Variants in CDK14 observed in about 807,000 individuals in gnomAD.
CDK14 encodes cyclin dependent kinase 14.
Under a neutral mutation model 60.7 loss-of-function variants are expected in CDK14, and 34 were observed. The observed-to-expected ratio is 0.56, with a 90% CI of 0.43 to 0.75. The LOEUF is 0.75. Among genes scored for constraint, CDK14 ranks in the 30% least tolerant of loss-of-function variants. The probability of loss-of-function intolerance (pLI) is 0.00; values close to 1 mark genes in which losing one functional copy is unlikely to be tolerated. For missense variants in CDK14, 482 were observed against 564.1 expected (o/e 0.85, Z 1.47); for synonymous variants, 197 against 203.7 (o/e 0.97, Z 0.28).
At chr7:90,838,048 C>T (rs10155821) in intron 5 of CDK14, among the ~76,000 whole-genome samples, 64,041 of 151,810 alleles carry the variant, frequency 0.42, 14,373 homozygotes, top group East Asian at 0.85. Flanking sequence ...ACGGGTATGA[C>T]GGTGGTCGAG....
chr7:90,617,312 C>T (rs1799674517), intron 2 of CDK14, among the ~76,000 whole-genome samples: 1 of 151,998 alleles, frequency 6.6e-6, no homozygotes, highest in Non-Finnish European at 1.5e-5. Context: ...AGTCTCTCTG[C>T]ATCCAAACTA....
chr7:90,675,018 T>C (rs1436350628), intron 2 of CDK14, among the ~76,000 whole-genome samples: 2 of 152,170 alleles, frequency 1.3e-5, no homozygotes, highest in African/African-American at 4.8e-5. Context: ...GAATAGTTTT[T>C]TTCTTATTAT....
At chr7:90,733,702 C>T (rs894324225) in intron 3 of CDK14, among the ~76,000 whole-genome samples, 1 of 152,156 alleles carries the variant, frequency 6.6e-6, no homozygotes, top group African/African-American at 2.4e-5. Flanking sequence ...GTATGTGTGT[C>T]TTTGCACATG....
In CDK14 at chr7:90,743,647, A is replaced by C. The variant is rs930280538; in HGVS notation, c.370-4034A>C. On this transcript the variant is annotated intron_variant, in intron 3 of 14. Transcript: ENST00000380050. Reference sequence around the variant, plus strand: ...CTTTATTGCTACCAACAATTGTTTGATACATTTCAAAACTATGTTATTTGG... The same window carrying C: ...CTTTATTGCTACCAACAATTGTTTGCTACATTTCAAAACTATGTTATTTGG... 5.1e-4 allele frequency among the ~76,000 whole-genome samples: 77 copies of C among 151,940 alleles called. 2 individuals carry two copies. Among genetic ancestry groups the C allele is most frequent in the Admixed American group, 9.8e-4 (15 of 15,262 alleles).
intron 4 of CDK14, among the ~76,000 whole-genome samples, chr7:90,757,613 T>G (rs1211484207): frequency 6.6e-6 from 1 of 152,024 alleles, no homozygotes; most frequent in East Asian, 1.9e-4. Context: ...TTTTTTTTGT[T>G]TGAGACAGGG....
chr7:90,635,915 T>C (rs983458511), intron 2 of CDK14, among the ~76,000 whole-genome samples: 8 of 152,178 alleles, frequency 5.3e-5, no homozygotes, highest in Admixed American at 4.6e-4. Context: ...GGGAGTTCAC[T>C]CATGATTTGG....
intron 8 of CDK14, among the ~76,000 whole-genome samples, chr7:90,926,355 C>T (rs1393175950): frequency 6.6e-6 from 1 of 152,138 alleles, no homozygotes; most frequent in Non-Finnish European, 1.5e-5. Flanking sequence ...ATGCTTCTCA[C>T]AGTAGACTAG....
chr7:91,003,915 G>T (rs746149780), intron 10 of CDK14, among the ~76,000 whole-genome samples: 3 of 152,122 alleles, frequency 2.0e-5, no homozygotes, highest in Non-Finnish European at 4.4e-5. Flanking sequence ...GCTGGTCCCC[G>T]TGTATCACCC....
At chr7:90,645,925 T>TCTGGGAAGTGCTCA (rs1389741685) in intron 2 of CDK14, among the ~76,000 whole-genome samples, 40 of 152,326 alleles carry the variant, frequency 2.6e-4, no homozygotes, top group African/African-American at 8.7e-4. Context: ...AGATCACTGA[T>TCTGGGAAGTGCTCA]CTGGGAAGTG....
intron 8 of CDK14, among the ~76,000 whole-genome samples, chr7:90,947,559 A>G (rs1325689820): frequency 1.3e-5 from 2 of 152,232 alleles, no homozygotes; most frequent in African/African-American, 4.8e-5. Context: ...TACCTAACAG[A>G]TTATAACTGC....
chr7:90,777,703 C>T (rs1284050255), intron 4 of CDK14, among the ~76,000 whole-genome samples: 4 of 152,142 alleles, frequency 2.6e-5, no homozygotes, highest in Non-Finnish European at 2.9e-5. Flanking sequence ...GCAGCTGTGC[C>T]GAGCAGCAGC....
chr7:90,651,572 G>A (rs1161639645), intron 2 of CDK14, among the ~76,000 whole-genome samples: 1 of 152,028 alleles, frequency 6.6e-6, no homozygotes, highest in African/African-American at 2.4e-5. Context: ...AATACATAAT[G>A]TGTGAGGCTT....
intron 5 of CDK14, among the ~76,000 whole-genome samples, chr7:90,798,005 T>C (rs935091631): frequency 2.6e-5 from 4 of 152,040 alleles, no homozygotes; most frequent in Non-Finnish European, 5.9e-5. Flanking sequence ...ATGCCATCTC[T>C]TAAGAACTAC....
intron 10 of CDK14, among the ~76,000 whole-genome samples, chr7:90,985,724 AT>A (rs1795356009): frequency 1.3e-5 from 2 of 152,152 alleles, no homozygotes; most frequent in Admixed American, 1.3e-4. Context: ...TGATTCCTCT[AT>A]GCAGTAGCCT....
At chr7:91,199,703 A>G (rs1562991945) in intron 14 of CDK14, among the ~76,000 whole-genome samples, 1 of 152,208 alleles carries the variant, frequency 6.6e-6, no homozygotes, top group Non-Finnish European at 1.5e-5. Context: ...TTTGCCTAAA[A>G]TTTTTTAATT....
At chr7:90,845,558 T>G (rs188051795) in intron 5 of CDK14, among the ~76,000 whole-genome samples, 1 of 152,172 alleles carries the variant, frequency 6.6e-6, no homozygotes, top group East Asian at 1.9e-4. Flanking sequence ...ATATCCAAGT[T>G]TACATGTATG....
chr7:90,994,500 A>C (rs1562860717), intron 10 of CDK14, among the ~76,000 whole-genome samples: 1 of 152,214 alleles, frequency 6.6e-6, no homozygotes, highest in Non-Finnish European at 1.5e-5. Context: ...TAAGAATGTC[A>C]AGAACGCTGG....
At chr7:91,031,782 A>G (rs930629734) in intron 10 of CDK14, among the ~76,000 whole-genome samples, 1 of 152,250 alleles carries the variant, frequency 6.6e-6, no homozygotes, top group Non-Finnish European at 1.5e-5. Context: ...AAATAAGAAT[A>G]AATCACAAAC....
intron 4 of CDK14, among the ~76,000 whole-genome samples, chr7:90,756,395 TA>T (rs1430110094): frequency 6.6e-6 from 1 of 152,232 alleles, no homozygotes; most frequent in Admixed American, 6.5e-5. Flanking sequence ...TATGCCTGAA[TA>T]AAAGAAAGAC....
Sources: gnomAD v4.1 joint callset for allele counts (sites outside exome capture counted in the v4.1 genomes callset) on GRCh38, gnomAD v4.1.1 for gene constraint, MANE v1.5 for transcripts, NCBI Gene and HGNC (gene_info 2026-07-23, HGNC 2026-07-21) for gene names.